The following SUPT3H variants were observed in gnomAD, a reference collection of about 807,000 sequenced individuals.
SUPT3H encodes SPT3 homolog, SAGA and STAGA complex component.
In SUPT3H, 44 loss-of-function variants were observed where a neutral mutation model predicts 44.3. That is an observed-to-expected ratio of 0.99 (90% CI 0.78 to 1.28). The LOEUF (loss-of-function observed/expected upper bound fraction) is 1.28. Among genes scored for constraint, SUPT3H ranks in the 50% most tolerant of loss-of-function variants. The pLI is 0.00. For missense variants in SUPT3H, 380 were observed against 387.1 expected (o/e 0.98, Z 0.15); for synonymous variants, 124 against 125.6 (o/e 0.99, Z 0.09).
At chr6:44,842,264 A>G (rs913565986) in intron 10 of SUPT3H, among the ~76,000 whole-genome samples, 11 of 152,124 alleles carry the variant, frequency 7.2e-5, no homozygotes, top group Admixed American at 2.6e-4. Context: ...AATCAGTTAA[A>G]CAGTCATGGT....
chr6:44,946,732 C>A (rs887748424), intron 9 of SUPT3H, among the ~76,000 whole-genome samples: 2 of 152,124 alleles, frequency 1.3e-5, no homozygotes, highest in South Asian at 4.1e-4. Flanking sequence ...ATGCTGTGAA[C>A]ATTTTTAAAA....
intron 4 of SUPT3H, among the ~76,000 whole-genome samples, chr6:45,017,822 G>A (rs1431312655): frequency 2.1e-5 from 3 of 140,726 alleles, no homozygotes; most frequent in South Asian, 2.5e-4. Context: ...TTGACTTGGC[G>A]ATGTGGGCTC....
chr6:44,924,983 A>C (rs566251873), intron 10 of SUPT3H, among the ~76,000 whole-genome samples: 7 of 152,334 alleles, frequency 4.6e-5, no homozygotes, highest in Admixed American at 6.5e-5. Flanking sequence ...TGTGCTCATG[A>C]CATAAATATT....
chr6:45,154,654 A>G (rs1248869935), intron 2 of SUPT3H, among the ~76,000 whole-genome samples: 1 of 152,182 alleles, frequency 6.6e-6, no homozygotes, highest in Non-Finnish European at 1.5e-5. Context: ...ACTTAGTCCC[A>G]GGCCATTGTT....
chr6:45,009,105 C>T (rs1225328517), intron 5 of SUPT3H, among the ~76,000 whole-genome samples: 1 of 152,024 alleles, frequency 6.6e-6, no homozygotes, highest in African/African-American at 2.4e-5. Context: ...GACCCTTTGC[C>T]CATTTTTAAA....
intron 9 of SUPT3H, among the ~76,000 whole-genome samples, chr6:44,936,749 C>A (rs1315597720): frequency 6.6e-6 from 1 of 152,158 alleles, no homozygotes; most frequent in Non-Finnish European, 1.5e-5. Context: ...CTCAATGCAA[C>A]CTCTGTTACC....
At chr6:44,935,621 T>C (rs1467396851) in intron 9 of SUPT3H, among the ~76,000 whole-genome samples, 1 of 152,200 alleles carries the variant, frequency 6.6e-6, no homozygotes, top group East Asian at 1.9e-4. Flanking sequence ...CTCTTCCTCT[T>C]GGCTGCATTC....
intron 2 of SUPT3H, among the ~76,000 whole-genome samples, chr6:45,305,112 T>C (rs1308600324): frequency 1.3e-5 from 2 of 152,244 alleles, no homozygotes; most frequent in Non-Finnish European, 1.5e-5. Flanking sequence ...GAGAATGACA[T>C]GGCTAATTAT....
chr6:45,368,712 T>C (rs1795553114), intron 1 of SUPT3H, among the ~76,000 whole-genome samples: 1 of 152,174 alleles, frequency 6.6e-6, no homozygotes, highest in African/African-American at 2.4e-5. Flanking sequence ...TTCTTCTATA[T>C]TGCTGAAGAA....
At chr6:45,288,805 CAA>C (rs917592526) in intron 2 of SUPT3H, among the ~76,000 whole-genome samples, 5 of 151,780 alleles carry the variant, frequency 3.3e-5, no homozygotes, top group Admixed American at 3.3e-4. Context: ...ACAGTTTTCA[CAA>C]AAGACATTTA....
At chr6:45,348,549 C>T (rs1286022992) in intron 2 of SUPT3H, among the ~76,000 whole-genome samples, 1 of 146,756 alleles carries the variant, frequency 6.8e-6, no homozygotes, top group Non-Finnish European at 1.5e-5. Context: ...GTGGCGCATG[C>T]CTGTAGTCCC....
At chr6:44,955,265 C>T (rs1277815868) in intron 7 of SUPT3H, 4 of 152,322 alleles carry the variant, frequency 2.6e-5, no homozygotes, top group Admixed American at 6.5e-5. Flanking sequence ...CTCTGTGGGA[C>T]GCAGAGGAAC....
chr6:44,869,143 C>A (rs1417859240), intron 10 of SUPT3H, among the ~76,000 whole-genome samples: 1 of 152,078 alleles, frequency 6.6e-6, no homozygotes, highest in Admixed American at 6.5e-5. Flanking sequence ...AGTGCCAGCT[C>A]TTGTCCAAAC....
intron 3 of SUPT3H, among the ~76,000 whole-genome samples, chr6:45,062,741 C>T (rs994936652): frequency 6.6e-5 from 10 of 152,090 alleles, no homozygotes; most frequent in Non-Finnish European, 1.5e-4. Context: ...CCGAATATTG[C>T]GCTTTTCACA....
rs533538768 is a variant in SUPT3H, at chr6:45,179,577, C to T, written c.102-73571G>A. Among the ~76,000 whole-genome samples the T allele has an allele frequency of 1.5e-3, 224 of 152,238 alleles. 3 individuals are homozygous for T. Among genetic ancestry groups the T allele is most frequent in the African/African-American group, 5.0e-3 (208 of 41,556 alleles). On this transcript the variant is annotated intron_variant, in intron 2 of 10. Transcript: ENST00000371459. ...TGGGATGCAAGGCTGGTTCAATATA[C>T]GCAAATCAATAAATGTAATCCAGCA...
At chr6:45,093,773 A>G (rs1378628349) in intron 3 of SUPT3H, among the ~76,000 whole-genome samples, 1 of 152,142 alleles carries the variant, frequency 6.6e-6, no homozygotes, top group Non-Finnish European at 1.5e-5. Context: ...AATAATCCAG[A>G]GAATAGATTC....
chr6:45,220,589 G>C (rs183812195), intron 2 of SUPT3H, among the ~76,000 whole-genome samples: 4 of 151,990 alleles, frequency 2.6e-5, no homozygotes, highest in Non-Finnish European at 5.9e-5. Context: ...ACCACCATAA[G>C]AAAAAGAAAT....
At chr6:45,375,826 TA>T (rs552598332) in intron 1 of SUPT3H, among the ~76,000 whole-genome samples, 2,103 of 145,046 alleles carry the variant, frequency 0.014, 22 homozygotes, top group South Asian at 0.032. Context: ...ACACTTGCTT[TA>T]AAAAAAAAAA....
At chr6:44,972,387 T>C (rs1296894868) in intron 6 of SUPT3H, among the ~76,000 whole-genome samples, 2 of 152,038 alleles carry the variant, frequency 1.3e-5, no homozygotes, top group African/African-American at 2.4e-5. Flanking sequence ...TCAAGAGAGG[T>C]GGGGTCCCAG....
Sources: gnomAD v4.1 joint callset for allele counts (sites outside exome capture counted in the v4.1 genomes callset) on GRCh38, gnomAD v4.1.1 for gene constraint, MANE v1.5 for transcripts, NCBI Gene and HGNC (gene_info 2026-07-23, HGNC 2026-07-21) for gene names.